Variants in ZC3H11A observed in about 807,000 individuals in gnomAD.
The protein encoded by ZC3H11A is zinc finger CCCH domain-containing protein 11A.
In ZC3H11A, 22 loss-of-function variants were observed where a neutral mutation model predicts 90.8. The observed-to-expected ratio is 0.24, with a 90% CI of 0.17 to 0.35. The LOEUF is 0.35. Among genes scored for constraint, ZC3H11A ranks in the 10% least tolerant of loss-of-function variants. The pLI, the probability that ZC3H11A is intolerant of heterozygous loss-of-function variation, is 1.00. For missense variants in ZC3H11A, 701 were observed against 964.9 expected (o/e 0.73, Z 3.62); for synonymous variants, 294 against 339.8 (o/e 0.87, Z 1.48).
At chr1:203,840,183 C>A in intron 11 of ZC3H11A, 123 bp from the exon 12 acceptor site, 1 of 862,680 alleles carries the variant, frequency 1.2e-6, no homozygotes, top group Non-Finnish European at 1.8e-6. Flanking sequence ...AAGTGATCAG[C>A]CTGCCTTGGC....
intron 1 of ZC3H11A, chr1:203,799,186 T>C: frequency 8.1e-7 from 1 of 1,234,510 alleles, no homozygotes; most frequent in Non-Finnish European, 1.1e-6. Context: ...TCTCCAAATT[T>C]CCTTATCCCT....
chr1:203,829,974 C>G, intron 7 of ZC3H11A, 78 bp downstream of exon 7: 1 of 1,424,316 alleles, frequency 7.0e-7, no homozygotes, highest in South Asian at 1.2e-5. Context: ...TCATTGACCT[C>G]CCTCTTCTTT....
intron 1 of ZC3H11A, chr1:203,798,415 G>A: frequency 6.5e-7 from 1 of 1,534,010 alleles, no homozygotes; most frequent in Non-Finnish European, 8.7e-7. Context: ...GGTAGGCCAG[G>A]GTCCCACTTA....
chr1:203,846,274 C>A (rs1687892309), intron 12 of ZC3H11A, among the ~76,000 whole-genome samples: 1 of 151,606 alleles, frequency 6.6e-6, no homozygotes, highest in Non-Finnish European at 1.5e-5. Flanking sequence ...TTTTCTTAGC[C>A]CTTCAGTAAT....
intron 2 of ZC3H11A, among the ~76,000 whole-genome samples, chr1:203,816,186 A>G (rs528153912): frequency 1.3e-4 from 20 of 152,344 alleles, no homozygotes; most frequent in South Asian, 6.2e-4. Flanking sequence ...TTTAGATGAA[A>G]CATTCTACTT....
At chr1:203,799,420 A>G (rs1669824062) in intron 1 of ZC3H11A, 1 of 703,108 alleles carries the variant, frequency 1.4e-6, no homozygotes, top group African/African-American at 1.7e-5. Flanking sequence ...CAAAATGATC[A>G]CCAACTTCCA....
chr1:203,851,247 A>G (rs1166941686), intron 17 of ZC3H11A, 123 bp downstream of exon 17: 1 of 864,160 alleles, frequency 1.2e-6, no homozygotes, highest in Non-Finnish European at 1.8e-6. Flanking sequence ...CTTCAAATTA[A>G]TTGCAAGAAA....
chr1:203,798,674 C>G (rs1254411562), intron 1 of ZC3H11A: 2 of 1,535,994 alleles, frequency 1.3e-6, no homozygotes, highest in East Asian at 2.4e-5. Context: ...GTCCTATTCC[C>G]GTTGCAGAGC....
intron 14 of ZC3H11A, 27 bp downstream of exon 14, chr1:203,848,434 T>C (rs777961518): frequency 1.0e-5 from 16 of 1,561,642 alleles, no homozygotes; most frequent in Non-Finnish European, 1.4e-5. Flanking sequence ...TGTATGGTTT[T>C]GTTCATGGCA....
At chr1:203,834,955 T>G (rs1683782822) in intron 10 of ZC3H11A, among the ~76,000 whole-genome samples, 1 of 152,242 alleles carries the variant, frequency 6.6e-6, no homozygotes, top group Non-Finnish European at 1.5e-5. Context: ...CAAAAAATTA[T>G]TTTGAAAATT....
intron 2 of ZC3H11A, among the ~76,000 whole-genome samples, chr1:203,810,151 T>A (rs1361747902): frequency 6.6e-6 from 1 of 151,046 alleles, no homozygotes; most frequent in Non-Finnish European, 1.5e-5. Context: ...TGTTTTTTGT[T>A]TTTTTTTTAA....
At position 203,816,982 on chromosome 1, in the gene ZC3H11A, A is replaced by C. The variant is rs1676588559; in HGVS notation, c.-89A>C. ...AGTTGTCATTTGGAAGATTAAACCC[A>C]TTTCACGAGGACTTGGAGCCTGGTC... On this transcript the variant is annotated 5_prime_UTR_variant, in exon 3 of 18. Transcript: ENST00000367210. 1.2e-6 allele frequency: 1 copy of C among 852,410 alleles called. No individual in the cohort carries two copies. The highest frequency in any genetic ancestry group is 1.8e-6 in the Non-Finnish European group (1 of 549,952). 52.8% of individuals were successfully genotyped at this position (852,410 alleles called of 1,614,324 possible). A position where few individuals can be genotyped will look rare whatever the true frequency, so the allele number is the denominator to read the frequency against.
rs995017309 is a variant in ZC3H11A at position 203,802,138 on chromosome 1, C to T, written c.-1024C>T. 1.3e-5 allele frequency: 2 copies of T among 152,582 alleles called. No homozygotes were observed. The highest frequency in any genetic ancestry group is 2.9e-5 in the Non-Finnish European group (2 of 68,014). 9.5% of individuals were successfully genotyped at this position (152,582 alleles called of 1,614,324 possible). On this transcript the variant is annotated 5_prime_UTR_variant, in exon 2 of 18. Transcript: ENST00000367210. ...GCCTTCTACAGCTTGCTGCACCACT[C>T]TGTAGTTACTCTATTACCATACGTT... is the stretch of plus-strand genomic sequence containing the variant.
intron 1 of ZC3H11A, chr1:203,799,511 C>T (rs1260754420): frequency 2.8e-6 from 2 of 702,882 alleles, no homozygotes; most frequent in African/African-American, 1.7e-5. Context: ...AGCATTGCTA[C>T]TCAGTTCACC....
intron 9 of ZC3H11A, among the ~76,000 whole-genome samples, chr1:203,833,014 G>A (rs1013478138): frequency 2.6e-5 from 4 of 151,324 alleles, no homozygotes; most frequent in Non-Finnish European, 5.9e-5. Context: ...CGGGCGGATC[G>A]CTTGAGGCCA....
intron 4 of ZC3H11A, among the ~76,000 whole-genome samples, chr1:203,825,486 G>C (rs1270498893): frequency 6.9e-6 from 1 of 144,084 alleles, no homozygotes; most frequent in Non-Finnish European, 1.5e-5. Flanking sequence ...CCAGGCTGGA[G>C]TGCAGTGGCT....
At chr1:203,823,296 T>C (rs1679382908) in intron 4 of ZC3H11A, among the ~76,000 whole-genome samples, 1 of 152,170 alleles carries the variant, frequency 6.6e-6, no homozygotes, top group African/African-American at 2.4e-5. Context: ...TGTTTTTTTA[T>C]GCCCACTCCC....
At chr1:203,829,306 C>T (rs576130809) in intron 5 of ZC3H11A, 145 bp from the exon 6 acceptor site, 8 of 782,378 alleles carry the variant, frequency 1.0e-5, no homozygotes, top group Non-Finnish European at 1.6e-5. Flanking sequence ...TTTTCCCTCC[C>T]TGGGACTTTA....
chr1:203,830,387 A>G (rs1197219870), intron 8 of ZC3H11A, among the ~76,000 whole-genome samples, 184 bp downstream of exon 8: 1 of 152,220 alleles, frequency 6.6e-6, no homozygotes, highest in Non-Finnish European at 1.5e-5. Flanking sequence ...TTCAGTCCCT[A>G]ACTTTTCAGA....
Sources: allele counts gnomAD v4.1 joint callset (sites outside exome capture counted in the v4.1 genomes callset), GRCh38; gene constraint gnomAD v4.1.1; transcripts MANE v1.5; gene names NCBI Gene and HGNC (gene_info 2026-07-23, HGNC 2026-07-21).